PCDH9: variants seen among roughly 807,000 people sequenced by gnomAD.
PCDH9 encodes the protein protocadherin-9.
Under a neutral mutation model 70.6 loss-of-function variants are expected in PCDH9, and 24 were observed. The observed-to-expected ratio is 0.34, with a 90% CI of 0.25 to 0.48. The LOEUF is 0.48. Among genes scored for constraint, PCDH9 ranks in the 20% least tolerant of loss-of-function variants. PCDH9 has a pLI of 0.99. For synonymous variants in PCDH9, 562 were observed against 558.5 expected, an observed-to-expected ratio of 1.01 and a Z score of -0.09; for missense variants, 1,281 against 1,503.6, an observed-to-expected ratio of 0.85 and a Z score of 2.45.
chr13:66,542,856 A>G (rs17081495), intron 4 of PCDH9, among the ~76,000 whole-genome samples: 34,855 of 148,658 alleles, frequency 0.23, 4,558 homozygotes, highest in South Asian at 0.34. Context: ...ACCCTATACA[A>G]CTATTATGTA....
chr13:67,161,519 AC>A (rs895752498), intron 2 of PCDH9, among the ~76,000 whole-genome samples: 1 of 152,220 alleles, frequency 6.6e-6, no homozygotes, highest in Admixed American at 6.5e-5. Context: ...ACACAGTTTA[AC>A]CATGGAGCCC....
chr13:66,406,574 G>T (rs1356511178), intron 4 of PCDH9, among the ~76,000 whole-genome samples: 3 of 152,160 alleles, frequency 2.0e-5, no homozygotes, highest in Non-Finnish European at 2.9e-5. Context: ...GTGACTCAGA[G>T]AATTTACTAC....
chr13:66,651,049 A>T (rs2077844295), intron 3 of PCDH9, among the ~76,000 whole-genome samples: 1 of 151,948 alleles, frequency 6.6e-6, no homozygotes, highest in South Asian at 2.1e-4. Flanking sequence ...CCCAAAGTAA[A>T]ATTTATAGGT....
intron 2 of PCDH9, among the ~76,000 whole-genome samples, chr13:66,986,923 T>C (rs936388488): frequency 6.6e-6 from 1 of 151,914 alleles, no homozygotes; most frequent in Non-Finnish European, 1.5e-5. Context: ...TATGTATATA[T>C]AATAAATAGG....
In PCDH9 at chr13:67,228,192, C is replaced by T. The variant is rs757515773; in HGVS notation, c.249G>A (p.Gly83=). Residue 83 remains glycine (G), a synonymous_variant, in exon 2 of 5, where the codon GGG becomes GGA. Coordinates refer to ENST00000377865, the MANE Select transcript of PCDH9 (RefSeq NM_203487.3). ...APLVKVSSST[G]EIFTTSNRID... is the part of the protein sequence containing the mutation. ...TTCTGTTGGAGGTTGTGAAAATTTC[C>T]CCAGTGCTGCTGGAAACTTTCACCA... 6 of 1,613,288 alleles carry T rather than the reference C, an allele frequency of 3.7e-6. No individual in the cohort carries two copies. The South Asian group carries it at 6.6e-5, about 18-fold the overall frequency.
At chr13:66,646,509 C>A (rs1044225696) in intron 3 of PCDH9, among the ~76,000 whole-genome samples, 2 of 152,130 alleles carry the variant, frequency 1.3e-5, no homozygotes, top group Non-Finnish European at 2.9e-5. Context: ...AAATATACAA[C>A]CATGTACATA....
intron 3 of PCDH9, among the ~76,000 whole-genome samples, chr13:66,800,232 C>A (rs575022020): frequency 6.6e-6 from 1 of 152,202 alleles, no homozygotes; most frequent in African/African-American, 2.4e-5. Flanking sequence ...ACCCTGCCCT[C>A]TCACCCCCAG....
Position 67,226,652 on chromosome 13 carries a change from T to C in PCDH9, c.1789A>G (p.Thr597Ala), listed in dbSNP as rs376567304. 10 of 1,613,676 alleles carry C rather than the reference T, an allele frequency of 6.2e-6. No individual in the cohort carries two copies. The African/African-American group carries it at 1.2e-4, about 19-fold the overall frequency. ...KYSTVGVITVTDADAGENKAV... is the reference protein window; with the variant it reads ...KYSTVGVITVADADAGENKAV... The stretch of plus-strand genomic sequence containing the variant: ...TTATTCTCTCCAGCATCTGCATCTG[T>C]CACTGTGATTACCCCCACAGTACTA... Residue 597 changes from threonine (T) to alanine (A), a missense_variant, in exon 2 of 5, where the codon ACA (threonine) becomes GCA (alanine). Around this residue, in one of 4 missense-constraint regions of PCDH9, gnomAD observed 798 missense variants for 1,003.1 expected, o/e 0.80. Coordinates refer to ENST00000377865, the MANE Select transcript of PCDH9 (RefSeq NM_203487.3). The surrounding 1 kb of genome is among the most constrained non-coding windows in gnomAD (Gnocchi z 5.0).
chr13:67,183,805 A>C (rs577634225), intron 2 of PCDH9, among the ~76,000 whole-genome samples: 45 of 152,286 alleles, frequency 3.0e-4, no homozygotes, highest in African/African-American at 9.6e-4. Context: ...CAATGTTTTG[A>C]ATTTTTGCAT....
chr13:66,762,446 C>A (rs908428925), intron 3 of PCDH9, among the ~76,000 whole-genome samples: 1 of 151,992 alleles, frequency 6.6e-6, no homozygotes, highest in Non-Finnish European at 1.5e-5. Flanking sequence ...AAGGCAAAAT[C>A]CTGTGCTCAC....
intron 4 of PCDH9, among the ~76,000 whole-genome samples, chr13:66,320,372 T>G (rs531391547): frequency 1.3e-5 from 2 of 152,146 alleles, no homozygotes; most frequent in South Asian, 2.1e-4. Flanking sequence ...TTGCCAAATA[T>G]TATCGATACT....
chr13:66,784,131 C>A (rs2080042411), intron 3 of PCDH9, among the ~76,000 whole-genome samples: 1 of 152,096 alleles, frequency 6.6e-6, no homozygotes, highest in Non-Finnish European at 1.5e-5. Context: ...ACCTCCAGAG[C>A]CTCTCTTGTC....
intron 3 of PCDH9, among the ~76,000 whole-genome samples, chr13:66,748,460 T>C (rs144980002): frequency 1.3e-3 from 196 of 152,332 alleles, no homozygotes; most frequent in African/African-American, 4.5e-3. Flanking sequence ...TTCAAGTGTG[T>C]ATAATTCCTT....
chr13:67,134,553 C>A (rs1294330377), intron 2 of PCDH9, among the ~76,000 whole-genome samples: 3 of 152,124 alleles, frequency 2.0e-5, no homozygotes, highest in African/African-American at 4.8e-5. Context: ...GCCTTTTCCT[C>A]TACCCATACG....
chr13:66,851,242 A>C (rs950685673), intron 3 of PCDH9, among the ~76,000 whole-genome samples: 4 of 152,204 alleles, frequency 2.6e-5, no homozygotes, highest in Admixed American at 2.6e-4. Context: ...AGAGAAAAAT[A>C]ATCTCCTCTG....
At chr13:66,830,703 C>T (rs2080910336) in intron 3 of PCDH9, among the ~76,000 whole-genome samples, 1 of 152,044 alleles carries the variant, frequency 6.6e-6, no homozygotes, top group Non-Finnish European at 1.5e-5. Context: ...TCAATTTAAC[C>T]ATGGCCAACA....
rs555829413 is a variant in PCDH9, at chr13:66,306,026, A to T, written c.3341-998T>A. The T allele has an allele frequency of 5.9e-5, 9 of 152,192 alleles. No homozygotes were observed. The South Asian group carries it at 1.9e-3, about 32-fold the overall frequency. 9.4% of individuals were successfully genotyped at this position (152,192 alleles called of 1,614,324 possible). On this transcript the variant is annotated intron_variant, in intron 4 of 4. Transcript: ENST00000377865. ...GCTGTTGTCTTACCCCCCTTGATTA[A>T]ACAGCCACGTGATAGATAAATGATA... is the stretch of plus-strand genomic sequence containing the variant.
At chr13:66,597,715 A>G (rs2077120468) in intron 4 of PCDH9, among the ~76,000 whole-genome samples, 1 of 151,792 alleles carries the variant, frequency 6.6e-6, no homozygotes, top group South Asian at 2.1e-4. Flanking sequence ...GCAACAAAAC[A>G]AAAATAGAGA....
Position 67,225,747 on chromosome 13 carries a change from T to C in PCDH9, c.2694A>G (p.Glu898=), listed in dbSNP as rs546885048. 2.7e-5 allele frequency: 43 copies of C among 1,614,094 alleles called. No homozygotes were observed. In the South Asian group the frequency reaches 4.5e-4, roughly 17 times the overall value. The change falls in exon 2 of 5, where the codon GAA becomes GAG. Residue 898 remains glutamate (E), a synonymous_variant. Transcript: ENST00000377865. ...GCAGGCTTATTGTCCCATTGATAGG[T>C]TCATGAACTGCATCATCGGGTTTGG... The part of the protein sequence containing the change: ...EESKPDDAVH[E]PINGTISLPA...
Sources: allele counts gnomAD v4.1 joint callset (sites outside exome capture counted in the v4.1 genomes callset), GRCh38; gene constraint gnomAD v4.1.1; regional missense constraint gnomAD v4.1.1; non-coding constraint Gnocchi (gnomAD v3.1); transcripts MANE v1.5; gene names NCBI Gene and HGNC (gene_info 2026-07-23, HGNC 2026-07-21).